The following NPAS2 variants were observed in gnomAD, a reference collection of about 807,000 sequenced individuals.
NPAS2 encodes the protein neuronal PAS domain-containing protein 2.
NPAS2 carries 23 observed loss-of-function variants against 107.5 expected under a neutral mutation model. That is an observed-to-expected ratio of 0.21 (90% CI 0.15 to 0.30). The LOEUF (loss-of-function observed/expected upper bound fraction) is 0.30, where lower values mean the gene tolerates loss of function less well. Among genes scored for constraint, NPAS2 ranks in the 10% least tolerant of loss-of-function variants. The probability of loss-of-function intolerance (pLI) is 1.00; values close to 1 mark genes in which losing one functional copy is unlikely to be tolerated. For synonymous variants in NPAS2, 403 were observed against 417.5 expected, an observed-to-expected ratio of 0.97 and a Z score of 0.42; for missense variants, 756 against 1,043.3, an observed-to-expected ratio of 0.72 and a Z score of 3.79.
chr2:100,951,129 C>T (rs1307672421), intron 7 of NPAS2, among the ~76,000 whole-genome samples: 1 of 152,066 alleles, frequency 6.6e-6, no homozygotes, highest in Non-Finnish European at 1.5e-5. Flanking sequence ...CTGTGGGGTT[C>T]TGGTTCCAGG....
chr2:100,918,331 T>C (rs933141111), intron 2 of NPAS2, among the ~76,000 whole-genome samples: 1 of 152,190 alleles, frequency 6.6e-6, no homozygotes, highest in African/African-American at 2.4e-5. Flanking sequence ...CTTTGTAGTC[T>C]ATAAGGTTAG....
chr2:100,988,285 G>A lies in NPAS2; in HGVS notation c.1827+9G>A. 6.2e-7 allele frequency: 1 copy of A among 1,610,952 alleles called. No individual in the cohort carries two copies. The highest frequency in any genetic ancestry group is 8.5e-7 in the Non-Finnish European group (1 of 1,177,946). On this transcript the variant is annotated intron_variant, in intron 17 of 20. Coordinates refer to ENST00000335681, the MANE Select transcript of NPAS2 (RefSeq NM_002518.4). ...GTGTGATATCAACCCAGGTAAATGT[G>A]CTCCTTGCCAGCTTCACTCCTTGCC... is the stretch of plus-strand genomic sequence containing the variant.
chr2:100,934,917 C>T, intron 4 of NPAS2: 1 of 985,376 alleles, frequency 1.0e-6, no homozygotes, highest in Non-Finnish European at 1.2e-6. Context: ...CAGGATGTTC[C>T]CTTTCTAAAA....
At chr2:100,939,204 C>G (rs930658384) in intron 5 of NPAS2, among the ~76,000 whole-genome samples, 1 of 152,184 alleles carries the variant, frequency 6.6e-6, no homozygotes, top group Non-Finnish European at 1.5e-5. Context: ...CAGATCGAAG[C>G]CGCTGCCTAC....
In NPAS2 at chr2:100,968,470, C is replaced by T; in HGVS notation, c.1055+42C>T. On this transcript the variant is annotated intron_variant, in intron 11 of 20. Coordinates refer to ENST00000335681, the MANE Select transcript of NPAS2 (RefSeq NM_002518.4). This position sits in a 1 kb window ranked among gnomAD's most constrained non-coding sequence, Gnocchi z 5.3. ...GGGGTGCGGCTGCGTCCTTGTCGCA[C>T]CTGGGGGAGGGGTGCAGGATGGCGT... is the stretch of plus-strand genomic sequence containing the variant. The T allele has an allele frequency of 6.3e-7, 1 of 1,598,588 alleles. No individual in the cohort carries two copies. Among genetic ancestry groups the T allele is most frequent in the Non-Finnish European group, 8.5e-7 (1 of 1,169,616 alleles).
At chr2:100,835,936 AT>A (rs1315412211) in intron 1 of NPAS2, among the ~76,000 whole-genome samples, 2 of 152,166 alleles carry the variant, frequency 1.3e-5, no homozygotes, top group African/African-American at 4.8e-5. Flanking sequence ...CAAGCAAGAT[AT>A]TACCGACTTT....
At chr2:100,944,814 C>T (rs560784947) in intron 5 of NPAS2, among the ~76,000 whole-genome samples, 54 of 152,206 alleles carry the variant, frequency 3.5e-4, no homozygotes, top group African/African-American at 1.2e-3. Flanking sequence ...GTGCAGAACC[C>T]GTGTCCTGAT....
chr2:100,987,861 G>T, intron 16 of NPAS2: 1 of 603,830 alleles, frequency 1.7e-6, no homozygotes, highest in South Asian at 2.1e-5. Flanking sequence ...CTTCATGAAG[G>T]CAGAGAGAGT....
chr2:100,996,177 C>A lies in NPAS2; in HGVS notation c.*595C>A. ...TTAGAGACCACAGTAACAACAGCAGCCCACCAATCAGAGAAGCTGGTTGTT... is the reference window on the plus strand; with the variant it reads ...TTAGAGACCACAGTAACAACAGCAGACCACCAATCAGAGAAGCTGGTTGTT... On this transcript the variant is annotated 3_prime_UTR_variant, in exon 21 of 21. Transcript: ENST00000335681. 2 of 228,974 alleles carry A rather than the reference C, an allele frequency of 8.7e-6. No homozygotes were observed. Among genetic ancestry groups the A allele is most frequent in the Non-Finnish European group, 8.6e-6 (1 of 116,678 alleles). The allele number at this position is 228,974 out of a possible 1,614,324, so 14.2% of individuals were successfully genotyped here.
intron 17 of NPAS2, 93 bp from the exon 18 acceptor site, chr2:100,990,163 G>A: frequency 9.2e-7 from 1 of 1,091,436 alleles, no homozygotes; most frequent in African/African-American, 1.6e-5. Flanking sequence ...AAAGGCAAGG[G>A]TAGGTAGAAG....
chr2:100,894,279 G>A (rs986995979), intron 1 of NPAS2, among the ~76,000 whole-genome samples: 1 of 152,202 alleles, frequency 6.6e-6, no homozygotes, highest in Non-Finnish European at 1.5e-5. Context: ...CTGTGTGAAG[G>A]AAAACCCCAG....
intron 2 of NPAS2, among the ~76,000 whole-genome samples, chr2:100,910,829 A>G (rs356658): frequency 0.87 from 131,900 of 152,164 alleles, 57,308 homozygotes; most frequent in East Asian, 1. Flanking sequence ...TGCCCAGCCT[A>G]ATGTCTTCTT....
Position 100,914,132 on chromosome 2 carries a change from A to T in NPAS2, c.32+9346A>T, listed in dbSNP as rs941109427. On this transcript the variant is annotated intron_variant, in intron 2 of 20. Coordinates refer to ENST00000335681, the MANE Select transcript of NPAS2 (RefSeq NM_002518.4). Reference sequence around the variant, plus strand: ...ATCCTCTCAGAGAAGCGCCTCCAAGATTCCACCTGTGGGAGAAACCCAAGG... The same window carrying T: ...ATCCTCTCAGAGAAGCGCCTCCAAGTTTCCACCTGTGGGAGAAACCCAAGG... Among the ~76,000 whole-genome samples, 2 of 152,202 alleles carry T rather than the reference A, an allele frequency of 1.3e-5. 1 individual carries two copies. The highest frequency in any genetic ancestry group is 2.9e-5 in the Non-Finnish European group (2 of 68,030).
chr2:100,946,527 G>C (rs1030360478), intron 5 of NPAS2, among the ~76,000 whole-genome samples: 1 of 152,182 alleles, frequency 6.6e-6, no homozygotes, highest in Admixed American at 6.5e-5. Flanking sequence ...AAAAAGGCTC[G>C]GAAGGATTAG....
intron 1 of NPAS2, among the ~76,000 whole-genome samples, chr2:100,875,461 T>TACACACACACACACACAC (rs56331462): frequency 4.9e-5 from 7 of 143,568 alleles, no homozygotes; most frequent in African/African-American, 1.8e-4. Context: ...ATTAAAAGCT[T>TACACACACACACACACAC]ACACACACAC....
chr2:100,842,081 G>GCGCGCACACA, intron 1 of NPAS2, among the ~76,000 whole-genome samples: 1 of 148,902 alleles, frequency 6.7e-6, no homozygotes, highest in African/African-American at 2.5e-5. Context: ...GCATGTACGC[G>GCGCGCACACA]CACACACACA....
At chr2:100,821,164 C>A (rs892107194) in intron 1 of NPAS2, 13 of 1,304,620 alleles carry the variant, frequency 1.0e-5, no homozygotes, top group Non-Finnish European at 1.3e-5. Flanking sequence ...CAGAACCAGT[C>A]CCGCTCCTCT....
At chr2:100,857,824 C>T (rs1678678901) in intron 1 of NPAS2, among the ~76,000 whole-genome samples, 1 of 152,240 alleles carries the variant, frequency 6.6e-6, no homozygotes, top group East Asian at 1.9e-4. Flanking sequence ...GAAACAACCA[C>T]ATGTGTATAT....
chr2:100,986,550 G>GT (rs1677792774), intron 16 of NPAS2: 1 of 152,220 alleles, frequency 6.6e-6, no homozygotes, highest in Non-Finnish European at 1.5e-5. Flanking sequence ...CTGGAACAGT[G>GT]TATGTTGAGA....
Sources: allele counts gnomAD v4.1 joint callset (sites outside exome capture counted in the v4.1 genomes callset), GRCh38; gene constraint gnomAD v4.1.1; non-coding constraint Gnocchi (gnomAD v3.1); transcripts MANE v1.5; gene names NCBI Gene and HGNC (gene_info 2026-07-23, HGNC 2026-07-21).